FAM13A: variants seen among roughly 807,000 people sequenced by gnomAD.
FAM13A encodes protein FAM13A.
Under a neutral mutation model 129.6 loss-of-function variants are expected in FAM13A, and 76 were observed. The ratio of observed to expected loss-of-function variants is 0.59; its 90% CI spans 0.49 to 0.71. The LOEUF is 0.71. Among genes scored for constraint, FAM13A ranks in the 30% least tolerant of loss-of-function variants. The probability of loss-of-function intolerance (pLI) is 0.00; values close to 1 mark genes in which losing one functional copy is unlikely to be tolerated. For missense variants in FAM13A, 1,108 were observed against 1,249.3 expected, an observed-to-expected ratio of 0.89 and a Z score of 1.70; for synonymous variants, 443 against 449.9, an observed-to-expected ratio of 0.98 and a Z score of 0.20.
intron 8 of FAM13A, among the ~76,000 whole-genome samples, chr4:88,804,202 G>A (rs1001673678): frequency 2.6e-5 from 4 of 152,024 alleles, no homozygotes; most frequent in Non-Finnish European, 4.4e-5. Context: ...GCAGTGAGTC[G>A]AGACCATGCC....
At chr4:88,989,024 A>G (rs1445758585) in intron 4 of FAM13A, among the ~76,000 whole-genome samples, 1 of 151,972 alleles carries the variant, frequency 6.6e-6, no homozygotes, top group East Asian at 1.9e-4. Flanking sequence ...CCTGGCCAAC[A>G]TGGTGAAACC....
intron 19 of FAM13A, among the ~76,000 whole-genome samples, chr4:88,744,079 G>A (rs189046976): frequency 1.3e-3 from 194 of 152,236 alleles, no homozygotes; most frequent in African/African-American, 3.7e-3. Context: ...GCAGCTAACC[G>A]AAGGAGAATA....
intron 7 of FAM13A, among the ~76,000 whole-genome samples, chr4:88,829,549 T>C (rs1053257559): frequency 6.6e-6 from 1 of 152,208 alleles, no homozygotes; most frequent in African/African-American, 2.4e-5. Context: ...ACATGAGTTA[T>C]TTAGAATCAT....
intron 4 of FAM13A, among the ~76,000 whole-genome samples, chr4:88,979,975 T>C (rs1419523981): frequency 2.6e-5 from 4 of 152,126 alleles, no homozygotes; most frequent in Non-Finnish European, 5.9e-5. Context: ...AACCAAAAAG[T>C]AATTAATTTT....
At chr4:89,028,338 G>C (rs13109946) in intron 2 of FAM13A, among the ~76,000 whole-genome samples, 10,003 of 151,918 alleles carry the variant, frequency 0.066, 455 homozygotes, top group South Asian at 0.14. Flanking sequence ...GCATAAGGGC[G>C]GGGGGGATTA....
At chr4:88,816,766 T>C (rs1217285605) in intron 7 of FAM13A, among the ~76,000 whole-genome samples, 1 of 152,234 alleles carries the variant, frequency 6.6e-6, no homozygotes, top group Non-Finnish European at 1.5e-5. Flanking sequence ...GTAGAGTGTT[T>C]TCCATTTGTT....
At chr4:88,799,558 C>T (rs1726992214) in intron 8 of FAM13A, among the ~76,000 whole-genome samples, 1 of 151,846 alleles carries the variant, frequency 6.6e-6, no homozygotes, top group South Asian at 2.1e-4. Context: ...AATCTCGGCT[C>T]ACTGCAACCT....
At chr4:88,755,889 T>C (rs1487742479) in intron 14 of FAM13A, among the ~76,000 whole-genome samples, 1 of 152,222 alleles carries the variant, frequency 6.6e-6, no homozygotes, top group Non-Finnish European at 1.5e-5. Context: ...GCTGAAGTGA[T>C]CCTCCGGCTT....
In FAM13A at chr4:88,974,509, G is replaced by A. The variant is rs113111536; in HGVS notation, c.605+16464C>T. On this transcript the variant is annotated intron_variant, in intron 4 of 23. Coordinates refer to ENST00000264344, the MANE Select transcript of FAM13A (RefSeq NM_014883.4). Reference sequence around the variant, plus strand: ...TTTAATTTTTTTGAGACAGACTCTCGCTCTGTCGCCCAGGCTGGAGTGTAA... The same window carrying A: ...TTTAATTTTTTTGAGACAGACTCTCACTCTGTCGCCCAGGCTGGAGTGTAA... 2.5e-3 allele frequency among the ~76,000 whole-genome samples: 384 copies of A among 151,990 alleles called. 4 individuals are homozygous for A. Among genetic ancestry groups the A allele is most frequent in the Non-Finnish European group, 3.6e-3 (242 of 67,988 alleles).
chr4:88,815,454 T>C (rs545881406), intron 7 of FAM13A, among the ~76,000 whole-genome samples: 1 of 152,332 alleles, frequency 6.6e-6, no homozygotes, highest in East Asian at 1.9e-4. Context: ...GAGTCCGTTA[T>C]TTGTTTAGCA....
At chr4:89,009,603 T>C (rs1765479472) in intron 3 of FAM13A, among the ~76,000 whole-genome samples, 1 of 152,214 alleles carries the variant, frequency 6.6e-6, no homozygotes, top group Non-Finnish European at 1.5e-5. Context: ...CCTGTTAATT[T>C]GGTAGTCAGA....
intron 6 of FAM13A, among the ~76,000 whole-genome samples, chr4:88,861,528 A>G (rs779554260): frequency 1.1e-4 from 16 of 152,220 alleles, no homozygotes; most frequent in Non-Finnish European, 2.4e-4. Context: ...GAACTTGGGA[A>G]GACAAGTCAT....
intron 7 of FAM13A, among the ~76,000 whole-genome samples, chr4:88,825,203 C>T (rs1197663306): frequency 7.2e-6 from 1 of 139,150 alleles, no homozygotes; most frequent in Non-Finnish European, 1.5e-5. Context: ...AGTGCTGACT[C>T]TATTCTGTGT....
At chr4:88,969,616 T>C (rs1313014158) in intron 4 of FAM13A, among the ~76,000 whole-genome samples, 3 of 152,254 alleles carry the variant, frequency 2.0e-5, no homozygotes, top group Non-Finnish European at 2.9e-5. Flanking sequence ...ATCTTTGAAC[T>C]TTTGCACTGA....
chr4:88,869,587 G>A (rs149058842), intron 6 of FAM13A, among the ~76,000 whole-genome samples: 1 of 152,288 alleles, frequency 6.6e-6, no homozygotes, highest in Non-Finnish European at 1.5e-5. Flanking sequence ...AGGCACCCTT[G>A]TTATATACTC....
intron 6 of FAM13A, among the ~76,000 whole-genome samples, chr4:88,852,707 G>T (rs1429614925): frequency 6.6e-6 from 1 of 151,744 alleles, no homozygotes; most frequent in Non-Finnish European, 1.5e-5. Flanking sequence ...CAAAGTTTTG[G>T]ATCTATTAGT....
intron 3 of FAM13A, among the ~76,000 whole-genome samples, chr4:89,013,503 G>A (rs1320442210): frequency 6.6e-6 from 1 of 151,950 alleles, no homozygotes; most frequent in African/African-American, 2.4e-5. Context: ...TTACAGTCAT[G>A]CACTGCACAA....
intron 1 of FAM13A, among the ~76,000 whole-genome samples, chr4:89,036,748 C>T (rs950386736): frequency 5.9e-5 from 9 of 152,226 alleles, no homozygotes; most frequent in African/African-American, 2.2e-4. Context: ...GGTCCTGTTG[C>T]TCTGCTCAGC....
chr4:88,953,932 G>A (rs977628372), intron 4 of FAM13A, among the ~76,000 whole-genome samples: 1 of 152,052 alleles, frequency 6.6e-6, no homozygotes, highest in Non-Finnish European at 1.5e-5. Context: ...AAGCAATCAG[G>A]TGCTTAAATA....
Sources: gnomAD v4.1 joint callset for allele counts (sites outside exome capture counted in the v4.1 genomes callset) on GRCh38, gnomAD v4.1.1 for gene constraint, MANE v1.5 for transcripts, NCBI Gene and HGNC (gene_info 2026-07-23, HGNC 2026-07-21) for gene names.